TDRD6: variants seen among roughly 807,000 people sequenced by gnomAD.
TDRD6 encodes the protein tudor domain-containing protein 6.
Under a neutral mutation model 157.5 loss-of-function variants are expected in TDRD6, and 186 were observed. The ratio of observed to expected loss-of-function variants is 1.18; its 90% CI spans 1.05 to 1.33. The LOEUF (loss-of-function observed/expected upper bound fraction) is 1.33. Ranked by LOEUF, TDRD6 falls within the 40% of genes most tolerant of loss-of-function variation. The probability of loss-of-function intolerance (pLI) is 0.00; values close to 1 mark genes in which losing one functional copy is unlikely to be tolerated. For synonymous variants in TDRD6, 1,075 were observed against 945.2 expected (o/e 1.14, Z -2.52); for missense variants, 3,066 against 2,508.0 (o/e 1.22, Z -4.75).
chr6:46,697,924 A>C lies in TDRD6; in HGVS notation c.6172-74A>C, dbSNP rs1357376026. 27 of 780,582 alleles carry C rather than the reference A, an allele frequency of 3.5e-5. No homozygotes were observed. In the Admixed American group the frequency reaches 5.4e-4, roughly 16 times the overall value. 48.4% of individuals were successfully genotyped at this position (780,582 alleles called of 1,614,324 possible). A position where few individuals can be genotyped will look rare whatever the true frequency, so the allele number is the denominator to read the frequency against. The stretch of plus-strand genomic sequence containing the variant: ...AATAATAATAGTATTTCATTTTTAA[A>C]ATAATTGCTCTGGTACATAAATCAG... On this transcript the variant is annotated intron_variant, in intron 2 of 3. Transcript: ENST00000316081.
chr6:46,682,569 T>C, the TDRD6 span, among the ~76,000 whole-genome samples: 2 of 151,684 alleles, frequency 1.3e-5, no homozygotes, highest in Non-Finnish European at 1.5e-5. Flanking sequence ...ATGATATAAT[T>C]ACATATATAA....
At position 46,689,397 on chromosome 6, in the gene TDRD6, G is replaced by C. The variant is rs146861883; in HGVS notation, c.1269G>C (p.Leu423=). 10 of 1,613,782 alleles carry C rather than the reference G, an allele frequency of 6.2e-6. No homozygotes were observed. The highest frequency in any genetic ancestry group is 8.5e-7 in the Non-Finnish European group (1 of 1,180,022). Residue 423 remains leucine, a synonymous_variant, in exon 1 of 4, where the codon CTG becomes CTC. Transcript: ENST00000316081. The stretch of plus-strand genomic sequence containing the variant: ...TTGAGCATGTGTATTATGTCAGCCT[G>C]TATGGAGAAGATGGGATTAATCTGA... ...CSFEHVYYVS[L]YGEDGINLNR...
chr6:46,699,765 T>G (rs963543572), intron 3 of TDRD6, among the ~76,000 whole-genome samples: 1 of 152,216 alleles, frequency 6.6e-6, no homozygotes, highest in African/African-American at 2.4e-5. Context: ...CTGTTCACTT[T>G]TGAGTCTTTG....
intron 1 of TDRD6, among the ~76,000 whole-genome samples, chr6:46,694,787 T>G (rs537878637): frequency 1.3e-5 from 2 of 152,308 alleles, no homozygotes; most frequent in Admixed American, 1.3e-4. Context: ...AGGGCATGTG[T>G]TGGTAAGTTT....
Position 46,689,183 on chromosome 6 carries a change from A to G in TDRD6, c.1055A>G (p.Glu352Gly). The G allele has an allele frequency of 3.1e-6, 5 of 1,614,078 alleles. No homozygotes were observed. The highest frequency in any genetic ancestry group is 1.3e-5 in the African/African-American group (1 of 74,996). Residue 352 changes from glutamate to glycine, a missense_variant, in exon 1 of 4, where the codon GAG becomes GGG. Physicochemically the swap from Glu to Gly is moderately conservative, Grantham distance 98. Coordinates refer to ENST00000316081, the MANE Select transcript of TDRD6 (RefSeq NM_001010870.3). Reference protein sequence around the residue: ...QVLHVDYGRKELVSCSSLRYL... With the variant: ...QVLHVDYGRKGLVSCSSLRYL... ...CTTCATGTGGACTATGGAAGGAAGGAGTTAGTGAGTTGCAGCAGCCTTCGG... is the reference window on the plus strand; with the variant it reads ...CTTCATGTGGACTATGGAAGGAAGGGGTTAGTGAGTTGCAGCAGCCTTCGG...
rs1484986492 is a variant in TDRD6 at position 46,693,631 on chromosome 6, C to T, written c.5503C>T (p.Leu1835Phe). The change falls in exon 1 of 4, where the codon CTT (leucine) becomes TTT (phenylalanine). Residue 1835 changes from leucine to phenylalanine, a missense_variant. Leu to Phe is a conservative substitution (Grantham distance 22). Coordinates refer to ENST00000316081, the MANE Select transcript of TDRD6 (RefSeq NM_001010870.3). ...AAAGGAGATACTAGAACTGAATTCA[C>T]TTGAGGTGCCGCTTTCTCCTGATGA... is the stretch of plus-strand genomic sequence containing the variant. ...ETKEILELNS[L>F]EVPLSPDDES... 2 of 1,614,044 alleles carry T rather than the reference C, an allele frequency of 1.2e-6. No homozygotes were observed. The highest frequency in any genetic ancestry group is 1.3e-5 in the African/African-American group (1 of 74,924).
chr6:46,693,551 A>G lies in TDRD6; in HGVS notation c.5423A>G (p.Asp1808Gly), dbSNP rs762198588. ...ECHLVDKAEF[D>G]DKYLITGFNT... is the part of the protein sequence containing the mutation. ...CATCTGGTTGACAAAGCAGAGTTTG[A>G]TGATAAATACCTGATTACAGGATTT... The change falls in exon 1 of 4, where the codon GAT becomes GGT. Residue 1808 changes from aspartate (D) to glycine (G), a missense_variant. Coordinates refer to ENST00000316081, the MANE Select transcript of TDRD6 (RefSeq NM_001010870.3). 1 of 1,614,118 alleles carries G rather than the reference A, an allele frequency of 6.2e-7. No individual in the cohort carries two copies. Among genetic ancestry groups the G allele is most frequent in the South Asian group, 1.1e-5 (1 of 91,080 alleles).
At position 46,693,762 on chromosome 6, in the gene TDRD6, C is replaced by G; in HGVS notation, c.5634C>G (p.Leu1878=). Residue 1878 remains leucine, a synonymous_variant, in exon 1 of 4, where the codon CTC becomes CTG. Coordinates refer to ENST00000316081, the MANE Select transcript of TDRD6 (RefSeq NM_001010870.3). The stretch of plus-strand genomic sequence containing the variant: ...GCCCGGTGCCACCGAATGTGCCACT[C>G]TCCCAAGAGTGTGTCACAAAAGGCG... ...ELSPVPPNVP[L]SQECVTKGAM... The G allele has an allele frequency of 6.2e-7, 1 of 1,614,202 alleles. No individual in the cohort carries two copies. The highest frequency in any genetic ancestry group is 8.5e-7 in the Non-Finnish European group (1 of 1,180,040).
the TDRD6 span, among the ~76,000 whole-genome samples, chr6:46,680,951 C>T: frequency 2.0e-5 from 3 of 152,146 alleles, no homozygotes. Context: ...TTCAGTACCC[C>T]CTTTCTCCCA....
Position 46,694,139 on chromosome 6 carries a change from G to A in TDRD6, c.6011G>A (p.Ser2004Asn), listed in dbSNP as rs763965522. 6.3e-7 allele frequency: 1 copy of A among 1,587,410 alleles called. No homozygotes were observed. The highest frequency in any genetic ancestry group is 1.3e-5 in the African/African-American group (1 of 74,086). Residue 2004 changes from serine (S) to asparagine (N), a missense_variant, in exon 1 of 4, where the codon AGC becomes AAC. Transcript: ENST00000316081. ...LFSEEESSDG[S>N]KHNNGLPDHI... ...TCTGAGGAAGAAAGCAGTGATGGAA[G>A]CAAGCACAATAATGGTTTACCAGAT...
rs373230169 is a variant in TDRD6, at chr6:46,691,109, A to C, written c.2981A>C (p.His994Pro). The C allele has an allele frequency of 6.2e-7, 1 of 1,614,004 alleles. No homozygotes were observed. The highest frequency in any genetic ancestry group is 8.5e-7 in the Non-Finnish European group (1 of 1,179,940). ...AGTGAAGAATTAGTTTATATAACGC[A>C]TATTGATGACCCTTGGACATTTTAT... ...IGSEELVYIT[H>P]IDDPWTFYCQ... is the part of the protein sequence containing the mutation. The change falls in exon 1 of 4, where the codon CAT becomes CCT. Residue 994 changes from histidine to proline, a missense_variant. Transcript: ENST00000316081.
chr6:46,692,001 G>A lies in TDRD6; in HGVS notation c.3873G>A (p.Leu1291=). The change falls in exon 1 of 4, where the codon CTG becomes CTA. Residue 1291 remains leucine (L), a synonymous_variant. Coordinates refer to ENST00000316081, the MANE Select transcript of TDRD6 (RefSeq NM_001010870.3). ...ATTCATGTGACAAAGATTTGCCTCT[G>A]AAATTTTGTGAGTTCCCACAGAAGA... ...IGDSCDKDLP[L]KFCEFPQKTI... is the part of the protein sequence containing the mutation. The A allele has an allele frequency of 1.9e-6, 3 of 1,613,904 alleles. No homozygotes were observed. The highest frequency in any genetic ancestry group is 2.5e-6 in the Non-Finnish European group (3 of 1,179,926).
In TDRD6 at chr6:46,698,027, G is replaced by T; in HGVS notation, c.6201G>T (p.Glu2067Asp). 1 of 1,611,446 alleles carries T rather than the reference G, an allele frequency of 6.2e-7. No homozygotes were observed. Among genetic ancestry groups the T allele is most frequent in the East Asian group, 2.2e-5 (1 of 44,802 alleles). The change falls in exon 3 of 4, where the codon GAG (glutamate) becomes GAT (aspartate). Residue 2067 changes from glutamate to aspartate, a missense_variant. Glu to Asp is a conservative substitution (Grantham distance 45). Transcript: ENST00000316081. ...RVLNLSNGME[E>D]IVNPENVWNG... ...TGAACCTTTCAAATGGTATGGAGGA[G>T]ATAGTGAACCCTGAGAATGTCTGGA...
In TDRD6 at chr6:46,696,480, A is replaced by G. The variant is rs879579472; in HGVS notation, c.6171+535A>G. Among the ~76,000 whole-genome samples the G allele has an allele frequency of 1.2e-4, 17 of 142,302 alleles. No individual in the cohort carries two copies. In the South Asian group the frequency reaches 3.1e-3, roughly 26 times the overall value. The allele number at this position is 142,302 out of a possible 152,430, so 93.4% of individuals were successfully genotyped here. A position where few individuals can be genotyped will look rare whatever the true frequency, so the allele number is the denominator to read the frequency against. ...TATATATATGTATATGTGTGTATAT[A>G]TATATATATATATGTATATGTAATA... On this transcript the variant is annotated intron_variant, in intron 2 of 3. Coordinates refer to ENST00000316081, the MANE Select transcript of TDRD6 (RefSeq NM_001010870.3).
At position 46,689,301 on chromosome 6, in the gene TDRD6, A is replaced by G. The variant is rs7754945; in HGVS notation, c.1173A>G (p.Ser391=). Residue 391 remains serine (S), a synonymous_variant, in exon 1 of 4, where the codon TCA becomes TCG. Coordinates refer to ENST00000316081, the MANE Select transcript of TDRD6 (RefSeq NM_001010870.3). ...LWDGGRGWSR[S]QVGDLKTLIL... ...ACGGTGGGAGAGGCTGGTCTCGGTC[A>G]CAGGTCGGTGACCTGAAGACACTGA... The G allele has an allele frequency of 1.9e-6, 3 of 1,614,024 alleles. No homozygotes were observed. Among genetic ancestry groups the G allele is most frequent in the Non-Finnish European group, 2.5e-6 (3 of 1,180,018 alleles).
the TDRD6 span, among the ~76,000 whole-genome samples, chr6:46,682,329 A>T: frequency 6.6e-6 from 1 of 152,182 alleles, no homozygotes; most frequent in South Asian, 2.1e-4. Flanking sequence ...AAATTTTTAC[A>T]TGAGTAAAAA....
chr6:46,690,468 T>C lies in TDRD6; in HGVS notation c.2340T>C (p.Tyr780=), dbSNP rs1200743983. 1.9e-6 allele frequency: 3 copies of C among 1,614,034 alleles called. No individual in the cohort carries two copies. The highest frequency in any genetic ancestry group is 2.5e-6 in the Non-Finnish European group (3 of 1,179,994). The change falls in exon 1 of 4, where the codon TAT becomes TAC. Residue 780 remains tyrosine (Y), a synonymous_variant. Coordinates refer to ENST00000316081, the MANE Select transcript of TDRD6 (RefSeq NM_001010870.3). ...GTACAGTAGAAGTCAGAGTGTCTTA[T>C]GTTGAAAACCCTGGCTATTTCTGGT... ...VGSTVEVRVS[Y]VENPGYFWCQ... is the part of the protein sequence containing the mutation.
In TDRD6 at chr6:46,689,890, C is replaced by G; in HGVS notation, c.1762C>G (p.Pro588Ala). 1 of 1,614,176 alleles carries G rather than the reference C, an allele frequency of 6.2e-7. No individual in the cohort carries two copies. Among genetic ancestry groups the G allele is most frequent in the Non-Finnish European group, 8.5e-7 (1 of 1,180,032 alleles). The change falls in exon 1 of 4, where the codon CCT becomes GCT. Residue 588 changes from proline (P) to alanine (A), a missense_variant. Transcript: ENST00000316081. Reference protein sequence around the residue: ...VDWYDVRMLLPQFRQLPILAV... With the variant: ...VDWYDVRMLLAQFRQLPILAV... The stretch of plus-strand genomic sequence containing the variant: ...CTGGTATGACGTAAGGATGCTGCTT[C>G]CTCAGTTTAGGCAGCTACCAATATT...
Position 46,693,145 on chromosome 6 carries a change from G to A in TDRD6, c.5017G>A (p.Asp1673Asn), listed in dbSNP as rs570561726. The A allele has an allele frequency of 1.9e-6, 3 of 1,611,060 alleles. No individual in the cohort carries two copies. The South Asian group carries it at 3.3e-5, about 18-fold the overall frequency. ...AATAACAATACTAGAAATCAGAAGG[G>A]ATGTTTGTGATATCCCTTTAGCAAT... is the stretch of plus-strand genomic sequence containing the variant. ...LEITILEIRRDVCDIPLAIVD... is the reference protein window; with the variant it reads ...LEITILEIRRNVCDIPLAIVD... The change falls in exon 1 of 4, where the codon GAT becomes AAT. Residue 1673 changes from aspartate (D) to asparagine (N), a missense_variant. Coordinates refer to ENST00000316081, the MANE Select transcript of TDRD6 (RefSeq NM_001010870.3).
Sources: gnomAD v4.1 joint callset for allele counts (sites outside exome capture counted in the v4.1 genomes callset) on GRCh38, gnomAD v4.1.1 for gene constraint, MANE v1.5 for transcripts, NCBI Gene and HGNC (gene_info 2026-07-23, HGNC 2026-07-21) for gene names.